The following PNPLA7 variants were observed in gnomAD, a reference collection of about 807,000 sequenced individuals.
PNPLA7 encodes the protein patatin-like phospholipase domain-containing protein 7.
A neutral mutation model predicts 161.7 loss-of-function variants in PNPLA7; 153 were observed. That is an observed-to-expected ratio of 0.95 (90% CI 0.83 to 1.08). The LOEUF (loss-of-function observed/expected upper bound fraction) is 1.08, where lower values mean the gene tolerates loss of function less well. Among genes scored for constraint, PNPLA7 ranks in the 50% least tolerant of loss-of-function variants. The pLI is 0.00. For missense variants in PNPLA7, 1,739 were observed against 1,856.6 expected (o/e 0.94, Z 1.16); for synonymous variants, 809 against 782.1 (o/e 1.03, Z -0.57).
intron 11 of PNPLA7, among the ~76,000 whole-genome samples, 189 bp from the exon 12 acceptor site, chr9:137,515,708 G>T (rs1385248906): frequency 6.6e-6 from 1 of 150,810 alleles, no homozygotes; most frequent in East Asian, 2.0e-4. Flanking sequence ...AGCGAGTGCC[G>T]GCCTCTGACT....
At chr9:137,489,314 C>T (rs1181345148) in intron 20 of PNPLA7, among the ~76,000 whole-genome samples, 1 of 152,248 alleles carries the variant, frequency 6.6e-6, no homozygotes, top group African/African-American at 2.4e-5. Flanking sequence ...TCAAACCACA[C>T]TCCACAAACG....
chr9:137,491,244 C>G (rs141350589), intron 20 of PNPLA7, among the ~76,000 whole-genome samples: 146 of 152,188 alleles, frequency 9.6e-4, no homozygotes, highest in African/African-American at 3.4e-3. Flanking sequence ...GCACTCCAAC[C>G]TAGACAAAAT....
chr9:137,464,304 TG>T, intron 27 of PNPLA7, 35 bp downstream of exon 27: 1 of 1,606,498 alleles, frequency 6.2e-7, no homozygotes, highest in Non-Finnish European at 8.5e-7. Context: ...GGACAGGCAC[TG>T]GGGGCTGCAT....
At chr9:137,518,357 C>A (rs1470981498) in intron 11 of PNPLA7, among the ~76,000 whole-genome samples, 1 of 99,166 alleles carries the variant, frequency 1.0e-5, no homozygotes, top group Non-Finnish European at 2.1e-5. Context: ...ACTCCATCCC[C>A]CACTCACTCA....
At chr9:137,462,107 G>A in intron 31 of PNPLA7, 66 bp from the exon 32 acceptor site, 1 of 1,518,460 alleles carries the variant, frequency 6.6e-7, no homozygotes, top group Non-Finnish European at 8.9e-7. Flanking sequence ...GTTCTCAAAA[G>A]GGGGAAGCGA....
intron 30 of PNPLA7, 166 bp from the exon 31 acceptor site, chr9:137,462,497 G>T: frequency 7.2e-7 from 1 of 1,385,014 alleles, no homozygotes; most frequent in Non-Finnish European, 9.6e-7. Flanking sequence ...GGCTGCCACA[G>T]CCTTCAGGCC....
chr9:137,504,837 T>C (rs1454628367), intron 14 of PNPLA7, among the ~76,000 whole-genome samples: 1 of 152,166 alleles, frequency 6.6e-6, no homozygotes, highest in Non-Finnish European at 1.5e-5. Context: ...ATTACGGAAT[T>C]GGGTGACCAG....
rs757091770 is a variant in PNPLA7 at position 137,543,433 on chromosome 9, G to T, written c.505C>A (p.Arg169=). ...SEVLYMLKNV[R]VLGHFEKPLF... is the part of the protein sequence containing the mutation. ...CCCGGGGCTCATCCCCGCTCTTACC[G>T]AACGTTTTTCAGCATGTACAGAACT... is the stretch of plus-strand genomic sequence containing the variant. Residue 169 remains arginine, a splice_region_variant and synonymous_variant, in exon 6 of 35, where the codon CGG becomes AGG. Coordinates refer to ENST00000406427, the MANE Select transcript of PNPLA7 (RefSeq NM_001098537.3). This position sits in a 1 kb window ranked among gnomAD's most constrained non-coding sequence, Gnocchi z 6.9. The T allele has an allele frequency of 3.1e-6, 5 of 1,613,896 alleles. No individual in the cohort carries two copies. The Admixed American group carries it at 8.3e-5, about 27-fold the overall frequency.
intron 8 of PNPLA7, among the ~76,000 whole-genome samples, chr9:137,527,284 C>CA (rs1224814583): frequency 7.7e-5 from 10 of 130,656 alleles, no homozygotes; most frequent in Admixed American, 6.6e-4. Flanking sequence ...AAAAAAACCA[C>CA]AAAAAAACAA....
chr9:137,529,902 G>A (rs991328591), intron 8 of PNPLA7, among the ~76,000 whole-genome samples: 9 of 151,494 alleles, frequency 5.9e-5, no homozygotes, highest in African/African-American at 1.2e-4. Context: ...CATGTGATCC[G>A]CCCGCCTCAG....
intron 4 of PNPLA7, among the ~76,000 whole-genome samples, chr9:137,545,578 T>C (rs563482463): frequency 2.0e-5 from 3 of 151,964 alleles, no homozygotes; most frequent in South Asian, 2.1e-4. Context: ...ATATATAAAA[T>C]AAGAATAGTT....
At chr9:137,502,727 ACGG>A (rs1833536206) in intron 14 of PNPLA7, among the ~76,000 whole-genome samples, 1 of 64,008 alleles carries the variant, frequency 1.6e-5, no homozygotes, top group African/African-American at 5.9e-5. Context: ...GACGCGGGGG[ACGG>A]GGGGGACGAG....
Position 137,460,085 on chromosome 9 carries a change from TTCACAGGGCTTCGGGGGGCC to T in PNPLA7, c.*288_*307del, listed in dbSNP as rs1219819632. ...GGGGGCCTCACAGGGCAGCAGGTGG[TTCACAGGGCTTCGGGGGGCC>T]TCACAGGGCTTCGGGGGGCCTCACA... On this transcript the variant is annotated 3_prime_UTR_variant, in exon 35 of 35. Coordinates refer to ENST00000406427, the MANE Select transcript of PNPLA7 (RefSeq NM_001098537.3). 125 of 315,406 alleles carry T rather than the reference TTCACAGGGCTTCGGGGGGCC, an allele frequency of 4.0e-4. 1 individual carries two copies. The highest frequency in any genetic ancestry group is 1.3e-3 in the African/African-American group (59 of 46,136). 19.5% of individuals were successfully genotyped at this position (315,406 alleles called of 1,614,324 possible).
intron 11 of PNPLA7, among the ~76,000 whole-genome samples, chr9:137,519,610 G>A (rs1834880283): frequency 6.6e-6 from 1 of 152,150 alleles, no homozygotes; most frequent in African/African-American, 2.4e-5. Context: ...CATGTGAGGA[G>A]ATGGGGACAC....
In PNPLA7 at chr9:137,537,875, A is replaced by G. The variant is rs143228775; in HGVS notation, c.747+2767T>C. ...AGAAAGCCTCTACCCCAGTGAAGCT[A>G]TTTTTTGCTTAAAGAGAAACGAATC... On this transcript the variant is annotated intron_variant, in intron 8 of 34. Coordinates refer to ENST00000406427, the MANE Select transcript of PNPLA7 (RefSeq NM_001098537.3). This position sits in a 1 kb window ranked among gnomAD's most constrained non-coding sequence, Gnocchi z 4.5. Among the ~76,000 whole-genome samples, 5 of 152,190 alleles carry G rather than the reference A, an allele frequency of 3.3e-5. No homozygotes were observed. The highest frequency in any genetic ancestry group is 9.7e-5 in the African/African-American group (4 of 41,446).
chr9:137,484,899 T>C (rs1832394454), intron 20 of PNPLA7, among the ~76,000 whole-genome samples, 163 bp from the exon 21 acceptor site: 1 of 151,134 alleles, frequency 6.6e-6, no homozygotes, highest in African/African-American at 2.4e-5. Context: ...CCCTCCCGCC[T>C]CCCCAGTCCT....
intron 20 of PNPLA7, among the ~76,000 whole-genome samples, chr9:137,487,158 G>A (rs762854486): frequency 6.0e-4 from 91 of 152,378 alleles, no homozygotes; most frequent in African/African-American, 1.8e-3. Flanking sequence ...GGACGGTTGC[G>A]TGCTGCGCAC....
In PNPLA7 at chr9:137,523,056, G is replaced by A. The variant is rs1262077583; in HGVS notation, c.748-199C>T. 2.0e-5 allele frequency among the ~76,000 whole-genome samples: 3 copies of A among 152,158 alleles called. No homozygotes were observed. The highest frequency in any genetic ancestry group is 6.5e-5 in the Admixed American group (1 of 15,282). On this transcript the variant is annotated intron_variant, in intron 8 of 34. Coordinates refer to ENST00000406427, the MANE Select transcript of PNPLA7 (RefSeq NM_001098537.3). This position sits in a 1 kb window ranked among gnomAD's most constrained non-coding sequence, Gnocchi z 4.4. ...TTTTTTGACTGTCCAAGACATGTGC[G>A]GCGAAGGACTGGCTGACGATGAAAT...
Position 137,547,400 on chromosome 9 carries a change from G to C in PNPLA7, c.106-4C>G. The C allele has an allele frequency of 6.2e-7, 1 of 1,613,360 alleles. No individual in the cohort carries two copies. The highest frequency in any genetic ancestry group is 1.1e-5 in the South Asian group (1 of 91,080). ...CTCCAACTGCAATCCCCGTCAGCTG[G>C]CCGAGAGTGGAAACACGGCGCCCAT... On this transcript the variant is annotated splice_region_variant and splice_polypyrimidine_tract_variant and intron_variant, in intron 2 of 34. Transcript: ENST00000406427. The surrounding 1 kb of genome is among the most constrained non-coding windows in gnomAD (Gnocchi z 4.6).
Sources: gnomAD v4.1 joint callset for allele counts (sites outside exome capture counted in the v4.1 genomes callset) on GRCh38, gnomAD v4.1.1 for gene constraint, Gnocchi (gnomAD v3.1) non-coding constraint, MANE v1.5 for transcripts, NCBI Gene and HGNC (gene_info 2026-07-23, HGNC 2026-07-21) for gene names.